ITGA1: variants seen among roughly 807,000 people sequenced by gnomAD.
ITGA1 encodes integrin alpha-1.
ITGA1 carries 85 observed loss-of-function variants against 145.9 expected under a neutral mutation model. The ratio of observed to expected loss-of-function variants is 0.58; its 90% CI spans 0.49 to 0.70. ITGA1 has a LOEUF of 0.70. Among genes scored for constraint, ITGA1 ranks in the 30% least tolerant of loss-of-function variants. The probability of loss-of-function intolerance (pLI) is 0.00; values close to 1 mark genes in which losing one functional copy is unlikely to be tolerated. For synonymous variants in ITGA1, 520 were observed against 495.3 expected, an observed-to-expected ratio of 1.05 and a Z score of -0.66; for missense variants, 1,351 against 1,418.7, an observed-to-expected ratio of 0.95 and a Z score of 0.77.
At chr5:52,952,117 G>A (rs1290619959) in intron 28 of ITGA1, among the ~76,000 whole-genome samples, 2 of 151,530 alleles carry the variant, frequency 1.3e-5, no homozygotes, top group Non-Finnish European at 2.9e-5. Flanking sequence ...TTGAACCCGG[G>A]TGGCGGAGGT....
At chr5:52,864,608 A>C (rs1400873880) in intron 3 of ITGA1, among the ~76,000 whole-genome samples, 155 bp from the exon 4 acceptor site, 1 of 152,200 alleles carries the variant, frequency 6.6e-6, no homozygotes, top group African/African-American at 2.4e-5. Context: ...CTTGTTCATT[A>C]TATTCCTTAA....
At chr5:52,905,718 C>T in intron 11 of ITGA1, 45 bp from the exon 12 acceptor site, 1 of 1,531,074 alleles carries the variant, frequency 6.5e-7, no homozygotes, top group African/African-American at 1.4e-5. Context: ...TTACATGAAG[C>T]CTTTAAGGGT....
intron 1 of ITGA1, among the ~76,000 whole-genome samples, chr5:52,815,723 C>A (rs1748756485): frequency 6.6e-6 from 1 of 152,166 alleles, no homozygotes; most frequent in African/African-American, 2.4e-5. Context: ...TAGCAATCAT[C>A]TTTTCCAGAT....
chr5:52,855,778 T>C (rs1303992830), intron 2 of ITGA1, among the ~76,000 whole-genome samples: 1 of 152,178 alleles, frequency 6.6e-6, no homozygotes, highest in Admixed American at 6.5e-5. Context: ...TGAGGCTTCC[T>C]TAGGATTCAA....
chr5:52,859,730 C>G (rs551056894), intron 2 of ITGA1, among the ~76,000 whole-genome samples: 3 of 152,312 alleles, frequency 2.0e-5, no homozygotes, highest in Non-Finnish European at 2.9e-5. Context: ...CCCCAACTTT[C>G]CCAGCATCTT....
chr5:52,828,880 G>A (rs1749010837), intron 1 of ITGA1, among the ~76,000 whole-genome samples: 1 of 152,076 alleles, frequency 6.6e-6, no homozygotes, highest in Admixed American at 6.6e-5. Flanking sequence ...GCATTGCATG[G>A]CTTCTTGACA....
chr5:52,806,878 G>A lies in ITGA1; in HGVS notation c.61+18464G>A, dbSNP rs373283565. 5.3e-5 allele frequency among the ~76,000 whole-genome samples: 8 copies of A among 152,300 alleles called. No individual in the cohort carries two copies. The South Asian group carries it at 1.7e-3, about 32-fold the overall frequency. On this transcript the variant is annotated intron_variant, in intron 1 of 28. Transcript: ENST00000282588. ...AGTTGCATACAAATTTGAGGCTACA[G>A]TGTTTGCTTTTTACAATGAATATTT...
chr5:52,868,591 G>A (rs1749726523), intron 6 of ITGA1, among the ~76,000 whole-genome samples: 1 of 152,126 alleles, frequency 6.6e-6, no homozygotes, highest in Non-Finnish European at 1.5e-5. Flanking sequence ...TTTCTGGAGG[G>A]AACAATGGCT....
chr5:52,803,430 T>A (rs759824004), intron 1 of ITGA1: 23 of 152,208 alleles, frequency 1.5e-4, no homozygotes, highest in Non-Finnish European at 1.0e-4. Context: ...GTTATTATAT[T>A]TTCAGTAAGG....
chr5:52,906,037 G>A (rs915930980), intron 12 of ITGA1, 129 bp downstream of exon 12: 1 of 727,958 alleles, frequency 1.4e-6, no homozygotes, highest in African/African-American at 1.8e-5. Context: ...AGGGCCCTGT[G>A]TTAGGTTCTT....
intron 28 of ITGA1, among the ~76,000 whole-genome samples, chr5:52,948,583 T>G (rs920593687): frequency 1.3e-5 from 2 of 152,174 alleles, no homozygotes; most frequent in African/African-American, 2.4e-5. Flanking sequence ...TCTAGCAAAG[T>G]TCCCCAAACA....
intron 9 of ITGA1, among the ~76,000 whole-genome samples, chr5:52,894,923 GT>G (rs1463810687): frequency 6.6e-6 from 1 of 152,132 alleles, no homozygotes; most frequent in African/African-American, 2.4e-5. Flanking sequence ...ATTATTTAGA[GT>G]TATGGCTTTC....
At chr5:52,951,557 T>C (rs78012118) in intron 28 of ITGA1, among the ~76,000 whole-genome samples, 14,321 of 152,236 alleles carry the variant, frequency 0.094, 847 homozygotes, top group East Asian at 0.21. Flanking sequence ...CCAAATGATA[T>C]AGTGTGTTTT....
chr5:52,911,983 A>AGATACGC (rs1554046455), intron 14 of ITGA1, among the ~76,000 whole-genome samples: 2 of 71,648 alleles, frequency 2.8e-5, no homozygotes, highest in Admixed American at 3.0e-4. Flanking sequence ...TATATATACT[A>AGATACGC]TATGTATAGT....
At chr5:52,855,522 T>C (rs1266734919) in intron 2 of ITGA1, among the ~76,000 whole-genome samples, 2 of 152,130 alleles carry the variant, frequency 1.3e-5, no homozygotes, top group African/African-American at 4.8e-5. Context: ...GATGTGTTTG[T>C]GAACAAAATA....
intron 1 of ITGA1, among the ~76,000 whole-genome samples, chr5:52,814,676 G>A (rs1393838487): frequency 1.3e-5 from 2 of 151,680 alleles, no homozygotes; most frequent in Non-Finnish European, 2.9e-5. Flanking sequence ...ATTTGAACAG[G>A]TATCTGCCCA....
chr5:52,949,284 G>A (rs780742957), intron 28 of ITGA1, among the ~76,000 whole-genome samples: 6 of 152,104 alleles, frequency 3.9e-5, no homozygotes, highest in African/African-American at 1.2e-4. Context: ...TTATGAGGTC[G>A]TATGAACCTC....
intron 6 of ITGA1, among the ~76,000 whole-genome samples, chr5:52,871,320 A>AT (rs1245009554): frequency 1.3e-5 from 2 of 152,226 alleles, no homozygotes; most frequent in African/African-American, 4.8e-5. Flanking sequence ...AAAACTAAGA[A>AT]TAAAAAAAAG....
At chr5:52,808,769 A>T (rs1166131978) in intron 1 of ITGA1, among the ~76,000 whole-genome samples, 3 of 149,050 alleles carry the variant, frequency 2.0e-5, no homozygotes, top group Admixed American at 6.8e-5. Context: ...AAATCATAAG[A>T]GGTTAAAGCT....
Sources: allele counts gnomAD v4.1 joint callset (sites outside exome capture counted in the v4.1 genomes callset), GRCh38; gene constraint gnomAD v4.1.1; transcripts MANE v1.5; gene names NCBI Gene and HGNC (gene_info 2026-07-23, HGNC 2026-07-21).